The following SAP30BP variants were observed in gnomAD, a reference collection of about 807,000 sequenced individuals.
SAP30BP encodes the protein SAP30-binding protein.
SAP30BP carries 31 observed loss-of-function variants against 46.3 expected under a neutral mutation model. That is an observed-to-expected ratio of 0.67 (90% CI 0.50 to 0.90). The LOEUF is 0.90. Among genes scored for constraint, SAP30BP ranks in the 40% least tolerant of loss-of-function variants. The pLI is 0.00. For missense variants in SAP30BP, 312 were observed against 391.0 expected, an observed-to-expected ratio of 0.80 and a Z score of 1.70; for synonymous variants, 169 against 144.2, an observed-to-expected ratio of 1.17 and a Z score of -1.23.
Position 75,668,588 on chromosome 17 carries a change from G to C in SAP30BP, c.179G>C (p.Gly60Ala). The C allele has an allele frequency of 6.2e-7, 1 of 1,607,124 alleles. No individual in the cohort carries two copies. Among genetic ancestry groups the C allele is most frequent in the South Asian group, 1.1e-5 (1 of 89,688 alleles). The part of the protein sequence containing the change: ...DFSRLGGDED[G>A]YEEEEDENSR... ...TCTCGTCTAGGGGGTGATGAAGATG[G>C]TTATGAAGAAGAAGAAGATGAGAAC... The change falls in exon 2 of 11, where the codon GGT becomes GCT. Residue 60 changes from glycine to alanine, a missense_variant. Gly to Ala is a moderately conservative substitution (Grantham distance 60, BLOSUM62 0). Around this residue, in one of 2 missense-constraint regions of SAP30BP, gnomAD observed 296 missense variants for 346.6 expected, o/e 0.85. Coordinates refer to ENST00000584667, the MANE Select transcript of SAP30BP (RefSeq NM_013260.8).
intron 3 of SAP30BP, among the ~76,000 whole-genome samples, chr17:75,689,775 A>G (rs1246272339): frequency 6.6e-6 from 1 of 152,164 alleles, no homozygotes; most frequent in East Asian, 1.9e-4. Flanking sequence ...TTTTGCTTGT[A>G]TCCTCACAGC....
intron 4 of SAP30BP, among the ~76,000 whole-genome samples, chr17:75,697,638 T>C (rs1310730319): frequency 6.6e-6 from 1 of 152,224 alleles, no homozygotes; most frequent in Non-Finnish European, 1.5e-5. Context: ...GCGCTTCCAG[T>C]GAGAATCCAC....
chr17:75,693,279 C>T, intron 3 of SAP30BP, 161 bp from the exon 4 acceptor site: 1 of 602,648 alleles, frequency 1.7e-6, no homozygotes, highest in Non-Finnish European at 3.0e-6. Flanking sequence ...GGTTCGGAGG[C>T]TCGGGGGTGC....
intron 3 of SAP30BP, among the ~76,000 whole-genome samples, chr17:75,675,445 G>A (rs762595994): frequency 1.3e-5 from 2 of 151,988 alleles, no homozygotes; most frequent in Non-Finnish European, 2.9e-5. Context: ...CACCTCGCCC[G>A]GCCTCTACTA....
At chr17:75,692,552 G>A (rs1184553401) in intron 3 of SAP30BP, 1 of 973,516 alleles carries the variant, frequency 1.0e-6, no homozygotes, top group Non-Finnish European at 1.2e-6. Flanking sequence ...TTTTACACTT[G>A]AGACAATGGA....
rs1184905375 is a variant in SAP30BP at position 75,707,530 on chromosome 17, G to A, written c.*1009G>A. Reference sequence around the variant, plus strand: ...TGTCAAAAGAAGGAAGCCAGGCTGTGAAGGGCCGTGTTGCTTTCAGTGGGT... The same window carrying A: ...TGTCAAAAGAAGGAAGCCAGGCTGTAAAGGGCCGTGTTGCTTTCAGTGGGT... On this transcript the variant is annotated 3_prime_UTR_variant, in exon 11 of 11. Coordinates refer to ENST00000584667, the MANE Select transcript of SAP30BP (RefSeq NM_013260.8). 6.5e-6 allele frequency: 1 copy of A among 152,792 alleles called. No homozygotes were observed. The highest frequency in any genetic ancestry group is 1.5e-5 in the Non-Finnish European group (1 of 68,140). The allele number at this position is 152,792 out of a possible 1,614,324, so 9.5% of individuals were successfully genotyped here. A position where few individuals can be genotyped will look rare whatever the true frequency, so the allele number is the denominator to read the frequency against.
intron 5 of SAP30BP, among the ~76,000 whole-genome samples, chr17:75,700,792 C>T (rs892178731): frequency 5.3e-5 from 8 of 152,206 alleles, no homozygotes; most frequent in East Asian, 1.9e-4. Context: ...CCTGTAAGGA[C>T]GACTCCAGCA....
chr17:75,687,138 A>C (rs1233084881), intron 3 of SAP30BP, among the ~76,000 whole-genome samples: 2 of 152,236 alleles, frequency 1.3e-5, no homozygotes, highest in Admixed American at 6.5e-5. Flanking sequence ...TTAATTGAAG[A>C]GCTTAGCATA....
At chr17:75,692,899 C>T (rs1156923766) in intron 3 of SAP30BP, 1 of 152,238 alleles carries the variant, frequency 6.6e-6, no homozygotes, top group Non-Finnish European at 1.5e-5. Context: ...ATGAGCTGCC[C>T]CTTTATCCTC....
At chr17:75,705,816 C>G (rs2060488020) in intron 9 of SAP30BP, 192 bp from the exon 10 acceptor site, 3 of 1,072,002 alleles carry the variant, frequency 2.8e-6, no homozygotes, top group Admixed American at 2.9e-5. Flanking sequence ...TTGGAAAGTT[C>G]TTTTAAGAGT....
chr17:75,704,826 CA>C lies in SAP30BP; in HGVS notation c.660+13del. 6.2e-7 allele frequency: 1 copy of C among 1,607,748 alleles called. No individual in the cohort carries two copies. On this transcript the variant is annotated intron_variant, in intron 9 of 10. Transcript: ENST00000584667. ...AGGAGCGAACAAAAGTAAGTGATGG[CA>C]GACCTCCTAGATGAAAAAGGCACAT... is the stretch of plus-strand genomic sequence containing the variant.
At position 75,703,809 on chromosome 17, in the gene SAP30BP, A is replaced by G. The variant is rs761455092; in HGVS notation, c.551A>G (p.Asp184Gly). ...IDELGTNYPK[D>G]MFDPHGWSED... ...AGTCATTCGCCTTTTCCTTTGCAGG[A>G]TATGTTTGATCCCCATGGCTGGTCT... Residue 184 changes from aspartate (D) to glycine (G), a missense_variant and splice_region_variant, in exon 8 of 11, where the codon GAT becomes GGT. By Grantham distance (94) the Asp-to-Gly change is moderately conservative (BLOSUM62 -1). Around this residue, in one of 2 missense-constraint regions of SAP30BP, gnomAD observed 296 missense variants for 346.6 expected, o/e 0.85. Transcript: ENST00000584667. 6.2e-7 allele frequency: 1 copy of G among 1,613,388 alleles called. No individual in the cohort carries two copies. The highest frequency in any genetic ancestry group is 1.3e-5 in the African/African-American group (1 of 74,908).
intron 9 of SAP30BP, chr17:75,705,419 C>T (rs979094422): frequency 4.8e-5 from 8 of 167,118 alleles, no homozygotes; most frequent in African/African-American, 7.2e-5. Context: ...CAAGCAGCTG[C>T]GGCCTCCAGA....
rs763307013 is a variant in SAP30BP, at chr17:75,667,465, G to A, written c.93G>A (p.Val31=). The A allele has an allele frequency of 2.5e-6, 4 of 1,614,028 alleles. No homozygotes were observed. Among genetic ancestry groups the A allele is most frequent in the Admixed American group, 1.7e-5 (1 of 60,006 alleles). Reference sequence around the variant, plus strand: ...ATGGCGAGGCTGGAATCGAGGCGGTGGGCAGCGCGGCTGGTAAGGCCCAAG... The same window carrying A: ...ATGGCGAGGCTGGAATCGAGGCGGTAGGCAGCGCGGCTGGTAAGGCCCAAG... The part of the protein sequence containing the change: ...ESDGEAGIEA[V]GSAAEEKGGL... Residue 31 remains valine (V), a synonymous_variant, in exon 1 of 11, where the codon GTG becomes GTA. Coordinates refer to ENST00000584667, the MANE Select transcript of SAP30BP (RefSeq NM_013260.8).
Position 75,691,563 on chromosome 17 carries a change from A to G in SAP30BP, c.265-1877A>G, listed in dbSNP as rs570812193. On this transcript the variant is annotated intron_variant, in intron 3 of 10. Coordinates refer to ENST00000584667, the MANE Select transcript of SAP30BP (RefSeq NM_013260.8). Reference sequence around the variant, plus strand: ...GTGTTTCCCCTTGAAGAGCCATTGCATGTTTGGTGACTAACTTCCTGTGGC... The same window carrying G: ...GTGTTTCCCCTTGAAGAGCCATTGCGTGTTTGGTGACTAACTTCCTGTGGC... 24 of 444,150 alleles carry G rather than the reference A, an allele frequency of 5.4e-5. 1 individual carries two copies. The highest frequency in any genetic ancestry group is 3.8e-4 in the South Asian group (24 of 62,842). 27.5% of individuals were successfully genotyped at this position (444,150 alleles called of 1,614,324 possible). A position where few individuals can be genotyped will look rare whatever the true frequency, so the allele number is the denominator to read the frequency against.
At chr17:75,705,595 C>T (rs1319960383) in intron 9 of SAP30BP, 1 of 1,032,196 alleles carries the variant, frequency 9.7e-7, no homozygotes, top group East Asian at 8.3e-5. Flanking sequence ...CTTTCCCTCT[C>T]CCTTCCAAAC....
intron 3 of SAP30BP, among the ~76,000 whole-genome samples, chr17:75,683,225 T>C (rs2060111099): frequency 6.6e-6 from 1 of 151,008 alleles, no homozygotes; most frequent in African/African-American, 2.4e-5. Flanking sequence ...TGTATTTTTT[T>C]TAGTAGAGCT....
At chr17:75,705,041 C>A (rs371168894) in intron 9 of SAP30BP, 4 of 525,250 alleles carry the variant, frequency 7.6e-6, no homozygotes, top group Middle Eastern at 5.2e-4. Flanking sequence ...ATTGTGCCCC[C>A]CTTTCCTCCC....
At chr17:75,705,442 C>A in intron 9 of SAP30BP, 1 of 185,038 alleles carries the variant, frequency 5.4e-6, no homozygotes, top group Non-Finnish European at 1.1e-5. Context: ...GCTTCCCTCA[C>A]CCCAAGCAGA....
Sources: gnomAD v4.1 joint callset for allele counts (sites outside exome capture counted in the v4.1 genomes callset) on GRCh38, gnomAD v4.1.1 for gene constraint, gnomAD v4.1.1 regional missense constraint, MANE v1.5 for transcripts, NCBI Gene and HGNC (gene_info 2026-07-23, HGNC 2026-07-21) for gene names.